SNX9: variants seen among roughly 807,000 people sequenced by gnomAD.
SNX9 encodes sorting nexin-9.
Under a neutral mutation model 89.4 loss-of-function variants are expected in SNX9, and 44 were observed. The observed-to-expected ratio is 0.49, with a 90% CI of 0.39 to 0.63. The LOEUF is 0.63. SNX9 is among the 30% of genes least tolerant of loss of function. SNX9 has a pLI of 0.00. For missense variants in SNX9, 578 were observed against 736.1 expected (o/e 0.79, Z 2.49); for synonymous variants, 236 against 247.8 (o/e 0.95, Z 0.45).
At chr6:157,874,830 G>A in intron 3 of SNX9, 1 of 422,592 alleles carries the variant, frequency 2.4e-6, no homozygotes, top group Non-Finnish European at 4.1e-6. Context: ...AATAATGCAT[G>A]GATCAAAGAA....
chr6:157,919,219 C>G (rs1229182249), intron 9 of SNX9, among the ~76,000 whole-genome samples: 3 of 152,158 alleles, frequency 2.0e-5, no homozygotes, highest in South Asian at 4.1e-4. Flanking sequence ...CGATCTGGCT[C>G]CATTGTGTCA....
chr6:157,935,195 A>G (rs1030685754), intron 13 of SNX9, among the ~76,000 whole-genome samples: 1 of 152,230 alleles, frequency 6.6e-6, no homozygotes, highest in South Asian at 2.1e-4. Flanking sequence ...CGGAATATTG[A>G]TAAAGGAAAG....
At chr6:157,912,238 A>G (rs1583232951) in intron 9 of SNX9, among the ~76,000 whole-genome samples, 4 of 152,130 alleles carry the variant, frequency 2.6e-5, no homozygotes, top group Admixed American at 1.3e-4. Context: ...TCCTTTATCA[A>G]CTTGGTTAGC....
intron 4 of SNX9, among the ~76,000 whole-genome samples, chr6:157,884,050 C>T (rs760701780): frequency 2.0e-5 from 3 of 152,116 alleles, no homozygotes; most frequent in African/African-American, 7.2e-5. Flanking sequence ...TCCTGAATCC[C>T]TGCCTTGGAG....
intron 10 of SNX9, among the ~76,000 whole-genome samples, chr6:157,925,251 G>GGGACA (rs1360328174): frequency 6.6e-6 from 1 of 152,048 alleles, no homozygotes; most frequent in African/African-American, 2.4e-5. Flanking sequence ...GTGTAGAAAA[G>GGGACA]TACCTAATCT....
intron 1 of SNX9, among the ~76,000 whole-genome samples, chr6:157,844,198 T>G (rs563114361): frequency 2.0e-5 from 3 of 152,228 alleles, no homozygotes; most frequent in Non-Finnish European, 4.4e-5. Flanking sequence ...AGAGCCGATT[T>G]CTCAGGACAA....
At chr6:157,836,053 TC>T (rs1208007919) in intron 1 of SNX9, among the ~76,000 whole-genome samples, 1 of 152,122 alleles carries the variant, frequency 6.6e-6, no homozygotes, top group Non-Finnish European at 1.5e-5. Flanking sequence ...TGCCTCAGCC[TC>T]CCAAGTAGCT....
chr6:157,915,776 G>C (rs1037030858), intron 9 of SNX9, among the ~76,000 whole-genome samples: 3 of 141,886 alleles, frequency 2.1e-5, no homozygotes, highest in South Asian at 2.3e-4. Context: ...CGTGAGCCAA[G>C]ATTGCACCAC....
intron 5 of SNX9, among the ~76,000 whole-genome samples, chr6:157,898,512 T>G (rs1783026595): frequency 6.6e-6 from 1 of 152,202 alleles, no homozygotes; most frequent in African/African-American, 2.4e-5. Context: ...TTTTAAAATC[T>G]TGAGCCAGAA....
At chr6:157,893,174 T>C (rs1291845366) in intron 4 of SNX9, among the ~76,000 whole-genome samples, 1 of 152,206 alleles carries the variant, frequency 6.6e-6, no homozygotes, top group Non-Finnish European at 1.5e-5. Context: ...AGGGTTTCTC[T>C]TAGCTGAAGT....
At chr6:157,888,151 G>A (rs1044296361) in intron 4 of SNX9, among the ~76,000 whole-genome samples, 1 of 152,198 alleles carries the variant, frequency 6.6e-6, no homozygotes. Flanking sequence ...AGTTGACCAG[G>A]TGGCTTTGCT....
At chr6:157,845,211 C>T (rs1016543289) in intron 1 of SNX9, among the ~76,000 whole-genome samples, 4 of 150,694 alleles carry the variant, frequency 2.7e-5, no homozygotes, top group African/African-American at 9.8e-5. Context: ...TGGGTAGAAG[C>T]GATTCTCCTG....
chr6:157,869,536 C>T (rs1782345642), intron 2 of SNX9, among the ~76,000 whole-genome samples: 1 of 152,176 alleles, frequency 6.6e-6, no homozygotes, highest in Non-Finnish European at 1.5e-5. Context: ...TGGTTTCTCT[C>T]CCTAGAGTTT....
At chr6:157,919,967 G>A (rs1783550832) in intron 9 of SNX9, among the ~76,000 whole-genome samples, 1 of 152,038 alleles carries the variant, frequency 6.6e-6, no homozygotes, top group Admixed American at 6.6e-5. Flanking sequence ...TTGTTTGTTT[G>A]TTTGTTTGTT....
chr6:157,838,492 G>C (rs1781630043), intron 1 of SNX9, among the ~76,000 whole-genome samples: 1 of 152,148 alleles, frequency 6.6e-6, no homozygotes, highest in African/African-American at 2.4e-5. Context: ...TGTACAGTGA[G>C]ATAGCTCAGT....
chr6:157,909,603 A>C, intron 7 of SNX9, 62 bp from the exon 8 acceptor site: 2 of 1,590,718 alleles, frequency 1.3e-6, no homozygotes, highest in Non-Finnish European at 8.6e-7. Flanking sequence ...GCTGATTCAC[A>C]TCAATTGTAT....
At chr6:157,830,097 A>G (rs1781453948) in intron 1 of SNX9, 1 of 152,208 alleles carries the variant, frequency 6.6e-6, no homozygotes, top group Non-Finnish European at 1.5e-5. Flanking sequence ...TTTTAGTTAT[A>G]TCTTTTTCAC....
chr6:157,842,745 C>A (rs1304226605), intron 1 of SNX9, among the ~76,000 whole-genome samples: 2 of 152,154 alleles, frequency 1.3e-5, no homozygotes, highest in Non-Finnish European at 2.9e-5. Flanking sequence ...CCATCAAGTG[C>A]AGGGTCTGCA....
intron 4 of SNX9, among the ~76,000 whole-genome samples, chr6:157,887,442 A>G (rs956970611): frequency 6.6e-5 from 10 of 152,076 alleles, no homozygotes; most frequent in Admixed American, 5.9e-4. Flanking sequence ...TGTCCTCTGC[A>G]GTCTCCAGAG....
Sources: gnomAD v4.1 joint callset for allele counts (sites outside exome capture counted in the v4.1 genomes callset) on GRCh38, gnomAD v4.1.1 for gene constraint, MANE v1.5 for transcripts, NCBI Gene and HGNC (gene_info 2026-07-23, HGNC 2026-07-21) for gene names.